The following SENP6 variants were observed in gnomAD, a reference collection of about 807,000 sequenced individuals.
The protein encoded by SENP6 is SUMO specific peptidase 6.
SENP6 carries 41 observed loss-of-function variants against 134.5 expected under a neutral mutation model. The ratio of observed to expected loss-of-function variants is 0.30; its 90% CI spans 0.24 to 0.40. The LOEUF is 0.40. Among genes scored for constraint, SENP6 ranks in the 10% least tolerant of loss-of-function variants. SENP6 has a pLI of 1.00. For synonymous variants in SENP6, 395 were observed against 429.8 expected, an observed-to-expected ratio of 0.92 and a Z score of 1.00; for missense variants, 1,248 against 1,312.5, an observed-to-expected ratio of 0.95 and a Z score of 0.76.
At chr6:75,714,582 C>A (rs988311826) in intron 23 of SENP6, among the ~76,000 whole-genome samples, 4 of 152,148 alleles carry the variant, frequency 2.6e-5, no homozygotes, top group African/African-American at 9.7e-5. Context: ...TGCTTTAAAT[C>A]TTATAGTGGC....
At chr6:75,655,784 T>A (rs1447876668) in intron 7 of SENP6, among the ~76,000 whole-genome samples, 1 of 152,244 alleles carries the variant, frequency 6.6e-6, no homozygotes, top group East Asian at 1.9e-4. Flanking sequence ...ACATTCTTTT[T>A]ATGAAGGATC....
At chr6:75,638,893 A>T (rs77032378) in intron 5 of SENP6, among the ~76,000 whole-genome samples, 3,154 of 151,802 alleles carry the variant, frequency 0.021, 114 homozygotes, top group African/African-American at 0.072. Context: ...TCTTGTCTCC[A>T]TAAAAAATAC....
intron 16 of SENP6, among the ~76,000 whole-genome samples, chr6:75,684,793 C>T (rs1039749801): frequency 6.6e-6 from 1 of 152,202 alleles, no homozygotes; most frequent in African/African-American, 2.4e-5. Context: ...TGCTGGACTT[C>T]GTTTGCCAGT....
rs755467278 is a variant in SENP6 at position 75,663,446 on chromosome 6, C to G, written c.922C>G (p.Pro308Ala). 6.2e-7 allele frequency: 1 copy of G among 1,613,048 alleles called. No individual in the cohort carries two copies. The highest frequency in any genetic ancestry group is 8.5e-7 in the Non-Finnish European group (1 of 1,179,702). Residue 308 changes from proline to alanine, a missense_variant, in exon 9 of 24, where the codon CCT becomes GCT. Transcript: ENST00000447266. ...ACAGACTAATGGAAAAGTCATTTTA[C>G]CTGGGGCAAAAATACCCAAAATCAC... ...YLQTNGKVIL[P>A]GAKIPKITNL...
chr6:75,667,047 A>T, intron 10 of SENP6, 106 bp downstream of exon 10: 1 of 601,014 alleles, frequency 1.7e-6, no homozygotes, highest in South Asian at 2.3e-5. Context: ...ATGATGGATT[A>T]TTAAGTGGGG....
At chr6:75,646,245 C>T (rs1446510305) in intron 6 of SENP6, among the ~76,000 whole-genome samples, 2 of 152,152 alleles carry the variant, frequency 1.3e-5, no homozygotes, top group Non-Finnish European at 2.9e-5. Context: ...ACATCTCAGG[C>T]AAATTCTCAT....
chr6:75,666,937 A>T lies in SENP6; in HGVS notation c.1220A>T (p.Asp407Val). The change falls in exon 10 of 24, where the codon GAC (aspartate) becomes GTC (valine). Residue 407 changes from aspartate (D) to valine (V), a missense_variant. Asp to Val is a radical substitution (Grantham distance 152, BLOSUM62 -3). Coordinates refer to ENST00000447266, the MANE Select transcript of SENP6 (RefSeq NM_015571.4). The stretch of plus-strand genomic sequence containing the variant: ...TTGCCAAGAAAAGCAAGAATGAAAG[A>T]CCAGGTACTTTTCACTTTTGTTGAC... ...VTLPRKARMK[D>V]QFGNSIINTP... 1 of 1,591,884 alleles carries T rather than the reference A, an allele frequency of 6.3e-7. No homozygotes were observed. The highest frequency in any genetic ancestry group is 8.6e-7 in the Non-Finnish European group (1 of 1,162,898).
At chr6:75,649,321 GA>G (rs202062729) in intron 7 of SENP6, among the ~76,000 whole-genome samples, 5 of 148,866 alleles carry the variant, frequency 3.4e-5, no homozygotes, top group African/African-American at 9.9e-5. Context: ...TCTCAAAAGT[GA>G]AAAAAAAAGC....
chr6:75,633,419 A>G (rs978361057), intron 3 of SENP6, among the ~76,000 whole-genome samples, 162 bp from the exon 4 acceptor site: 2 of 152,208 alleles, frequency 1.3e-5, no homozygotes, highest in African/African-American at 4.8e-5. Flanking sequence ...TTAGGAAAAA[A>G]AAAGTAGGCA....
chr6:75,693,426 A>AAAAC (rs1774431844), intron 16 of SENP6, among the ~76,000 whole-genome samples: 2 of 151,628 alleles, frequency 1.3e-5, no homozygotes, highest in Non-Finnish European at 2.9e-5. Flanking sequence ...AAAAAAAAAA[A>AAAAC]AAACACCAAA....
chr6:75,647,492 C>T (rs1415480871), intron 6 of SENP6: 1 of 302,982 alleles, frequency 3.3e-6, no homozygotes, highest in East Asian at 7.3e-5. Flanking sequence ...AAGACAATCT[C>T]ATTCAACATT....
chr6:75,675,081 G>A (rs1772981777), intron 11 of SENP6, among the ~76,000 whole-genome samples: 1 of 151,882 alleles, frequency 6.6e-6, no homozygotes, highest in South Asian at 2.1e-4. Context: ...TTCAGGCAAG[G>A]ACCTTCAGTG....
At chr6:75,618,649 C>T (rs1768031961) in intron 1 of SENP6, among the ~76,000 whole-genome samples, 1 of 152,118 alleles carries the variant, frequency 6.6e-6, no homozygotes. Context: ...GCAGCTCTAG[C>T]TCTCTATACT....
chr6:75,660,967 C>T (rs1012301847), intron 8 of SENP6, among the ~76,000 whole-genome samples: 3 of 152,196 alleles, frequency 2.0e-5, no homozygotes, highest in African/African-American at 7.2e-5. Flanking sequence ...TAGAGTCATT[C>T]ATTTCTCTGA....
rs1183487708 is a variant in SENP6, at chr6:75,676,011, G to A, written c.1578G>A (p.Glu526=). The change falls in exon 13 of 24, where the codon GAG becomes GAA. Residue 526 remains glutamate (E), a synonymous_variant. Transcript: ENST00000447266. ...GCATCCAACTGCAAATGAATAAGGA[G>A]GATAAAGTTTGGAATGATTGTAAAG... ...KLSIQLQMNK[E]DKVWNDCKGV... is the part of the protein sequence containing the mutation. 5.0e-6 allele frequency: 8 copies of A among 1,609,298 alleles called. No homozygotes were observed. The highest frequency in any genetic ancestry group is 6.8e-6 in the Non-Finnish European group (8 of 1,178,306).
intron 3 of SENP6, among the ~76,000 whole-genome samples, chr6:75,625,151 G>A (rs559152381): frequency 8.7e-6 from 1 of 114,956 alleles, no homozygotes; most frequent in East Asian, 2.8e-4. Context: ...TCTGGCTCTT[G>A]CCCAGAATAG....
intron 7 of SENP6, among the ~76,000 whole-genome samples, chr6:75,658,932 A>C (rs1771546460): frequency 7.7e-6 from 1 of 130,354 alleles, no homozygotes; most frequent in South Asian, 2.6e-4. Context: ...TGAGCATGCC[A>C]CTGAACTCCG....
chr6:75,635,590 G>A (rs543656564), intron 5 of SENP6, among the ~76,000 whole-genome samples: 1 of 152,194 alleles, frequency 6.6e-6, no homozygotes, highest in South Asian at 2.1e-4. Context: ...AAAATGTTAA[G>A]TAACCTCATA....
intron 7 of SENP6, among the ~76,000 whole-genome samples, chr6:75,656,810 ATAAC>A (rs1372366567): frequency 1.3e-5 from 2 of 152,172 alleles, no homozygotes; most frequent in Non-Finnish European, 2.9e-5. Flanking sequence ...AGCCTTATAA[ATAAC>A]CTTGATTTAG....
Sources: gnomAD v4.1 joint callset for allele counts (sites outside exome capture counted in the v4.1 genomes callset) on GRCh38, gnomAD v4.1.1 for gene constraint, MANE v1.5 for transcripts, NCBI Gene and HGNC (gene_info 2026-07-23, HGNC 2026-07-21) for gene names.